Variants in SYNJ2 observed in about 807,000 individuals in gnomAD.
SYNJ2 encodes synaptojanin 2.
SYNJ2 carries 116 observed loss-of-function variants against 141.3 expected under a neutral mutation model. The observed-to-expected ratio is 0.82, with a 90% confidence interval of 0.71 to 0.96. SYNJ2 has a LOEUF of 0.96. SYNJ2 is among the 40% of genes least tolerant of loss of function. The pLI is 0.00. For synonymous variants in SYNJ2, 745 were observed against 777.7 expected (o/e 0.96, Z 0.70); for missense variants, 1,873 against 1,934.8 (o/e 0.97, Z 0.60).
intron 1 of SYNJ2, among the ~76,000 whole-genome samples, chr6:158,015,042 G>A (rs762752032): frequency 6.6e-6 from 1 of 152,182 alleles, no homozygotes; most frequent in Non-Finnish European, 1.5e-5. Flanking sequence ...TTTGAGTTGG[G>A]GTGTTGGGAT....
chr6:158,080,000 T>C (rs1436578728), intron 18 of SYNJ2, among the ~76,000 whole-genome samples: 1 of 152,238 alleles, frequency 6.6e-6, no homozygotes, highest in Non-Finnish European at 1.5e-5. Context: ...TGTGTAATTT[T>C]CGTAATATAG....
chr6:158,014,391 T>TA (rs529072489), intron 1 of SYNJ2, among the ~76,000 whole-genome samples: 27 of 152,254 alleles, frequency 1.8e-4, no homozygotes, highest in Non-Finnish European at 3.5e-4. Flanking sequence ...AAAACAAGGT[T>TA]AGTATTGATT....
chr6:158,000,240 TCTC>T (rs1232121716), intron 1 of SYNJ2, among the ~76,000 whole-genome samples: 2 of 152,014 alleles, frequency 1.3e-5, no homozygotes, highest in Non-Finnish European at 2.9e-5. Flanking sequence ...CATGATGTTT[TCTC>T]CTAGAGACAG....
rs1781063941 is a variant in SYNJ2, at chr6:158,059,342, A to G, written c.943A>G (p.Arg315Gly). 6.4e-7 allele frequency: 1 copy of G among 1,550,402 alleles called. No homozygotes were observed. Among genetic ancestry groups the G allele is most frequent in the Non-Finnish European group, 8.7e-7 (1 of 1,146,750 alleles). ...CAGAGGCGGAGAGGAGGTGCTCAAC[A>G]GAGCCTTCAAGGTAAGGCCAGGCTG... is the stretch of plus-strand genomic sequence containing the variant. ...GSRGGEEVLN[R>G]AFKKLLWASC... is the part of the protein sequence containing the mutation. The change falls in exon 7 of 27, where the codon AGA (arginine) becomes GGA (glycine). Residue 315 changes from arginine (R) to glycine (G), a missense_variant. Transcript: ENST00000355585.
chr6:158,019,545 G>T (rs931259330), intron 2 of SYNJ2, among the ~76,000 whole-genome samples: 1 of 152,208 alleles, frequency 6.6e-6, no homozygotes, highest in African/African-American at 2.4e-5. Flanking sequence ...ATGGGGCAGG[G>T]AGTGCTCAGA....
chr6:157,997,282 T>G (rs561344074), intron 1 of SYNJ2, among the ~76,000 whole-genome samples: 1 of 152,340 alleles, frequency 6.6e-6, no homozygotes, highest in Non-Finnish European at 1.5e-5. Context: ...CCTTGCAATC[T>G]TATTTGGAAA....
chr6:158,085,160 C>T (rs557692330), intron 22 of SYNJ2, among the ~76,000 whole-genome samples: 1 of 152,006 alleles, frequency 6.6e-6, no homozygotes, highest in Non-Finnish European at 1.5e-5. Flanking sequence ...GCTGGGACTA[C>T]AGGGTTGCAC....
chr6:158,073,118 A>G (rs896410478), intron 15 of SYNJ2, among the ~76,000 whole-genome samples: 4 of 151,732 alleles, frequency 2.6e-5, no homozygotes, highest in African/African-American at 7.3e-5. Context: ...CTTGGGATAC[A>G]TAATAAGTAA....
intron 22 of SYNJ2, among the ~76,000 whole-genome samples, chr6:158,086,217 G>A (rs902357639): frequency 1.3e-5 from 2 of 152,150 alleles, no homozygotes; most frequent in Non-Finnish European, 2.9e-5. Flanking sequence ...GAAATGGAGA[G>A]GCCCATGCTT....
chr6:158,017,347 C>T, intron 2 of SYNJ2, 57 bp downstream of exon 2: 2 of 1,555,236 alleles, frequency 1.3e-6, no homozygotes, highest in African/African-American at 1.4e-5. Context: ...GCAGGAGCCT[C>T]TGTGTCGGAA....
chr6:157,981,622 C>T (rs930117556), upstream of SYNJ2, among the ~76,000 whole-genome samples: 1 of 152,082 alleles, frequency 6.6e-6, no homozygotes, highest in African/African-American at 2.4e-5. This position sits in a 1 kb window ranked among gnomAD's most constrained non-coding sequence, Gnocchi z 6.4. Context: ...GGGCATCCTC[C>T]TCCGCAGCGA....
At position 158,084,189 on chromosome 6, in the gene SYNJ2, CT is replaced by C. The variant is rs1458541022; in HGVS notation, c.3208+19del. ...AACGTACAAAGGTAGCCTGACCCTT[CT>C]TTTCTCAGGAGCCTCAGCGATGGAG... is the stretch of plus-strand genomic sequence containing the variant. On this transcript the variant is annotated intron_variant, in intron 22 of 26. Transcript: ENST00000355585. The surrounding 1 kb of genome is among the most constrained non-coding windows in gnomAD (Gnocchi z 5.0). The C allele has an allele frequency of 5.0e-6, 8 of 1,608,944 alleles. No homozygotes were observed. The highest frequency in any genetic ancestry group is 5.1e-6 in the Non-Finnish European group (6 of 1,176,974).
rs1782141295 is a variant in SYNJ2 at position 158,074,506 on chromosome 6, G to A, written c.2134-74G>A. 3 of 1,507,514 alleles carry A rather than the reference G, an allele frequency of 2.0e-6. No homozygotes were observed. In the Admixed American group the frequency reaches 6.3e-5, roughly 32 times the overall value. 93.4% of individuals were successfully genotyped at this position (1,507,514 alleles called of 1,614,324 possible). On this transcript the variant is annotated intron_variant, in intron 15 of 26. Transcript: ENST00000355585. ...GAAAAATACTCCTGCTTGCCCCAGTGAGCTTGTTTTTCTCCTCTCTCCCAC... is the reference window on the plus strand; with the variant it reads ...GAAAAATACTCCTGCTTGCCCCAGTAAGCTTGTTTTTCTCCTCTCTCCCAC...
chr6:158,027,047 C>T lies in SYNJ2; in HGVS notation c.215-1709C>T. 1.0e-6 allele frequency: 1 copy of T among 985,368 alleles called. No homozygotes were observed. Among genetic ancestry groups the T allele is most frequent in the Non-Finnish European group, 1.2e-6 (1 of 829,934 alleles). 61.0% of individuals were successfully genotyped at this position (985,368 alleles called of 1,614,324 possible). On this transcript the variant is annotated intron_variant, in intron 2 of 26. Coordinates refer to ENST00000355585, the MANE Select transcript of SYNJ2 (RefSeq NM_003898.4). The surrounding 1 kb of genome is among the most constrained non-coding windows in gnomAD (Gnocchi z 4.6). Reference sequence around the variant, plus strand: ...TCAACCCCCTGCCCTGCTGGCAGCCCCACCCCATGGCATAGCAGCAGGCCC... The same window carrying T: ...TCAACCCCCTGCCCTGCTGGCAGCCTCACCCCATGGCATAGCAGCAGGCCC...
intron 8 of SYNJ2, among the ~76,000 whole-genome samples, chr6:158,062,520 G>C (rs1021585545): frequency 6.6e-6 from 1 of 152,190 alleles, no homozygotes; most frequent in East Asian, 1.9e-4. Flanking sequence ...ACGCTGTGAC[G>C]CAGGCCTGTG....
At chr6:158,075,595 C>G (rs1050965218) in intron 16 of SYNJ2, among the ~76,000 whole-genome samples, 1 of 151,382 alleles carries the variant, frequency 6.6e-6, no homozygotes, top group Non-Finnish European at 1.5e-5. Context: ...GAGCCGAGAT[C>G]GCACCACTGC....
intron 4 of SYNJ2, among the ~76,000 whole-genome samples, chr6:158,038,250 CCTCTGGG>C (rs962794124): frequency 6.6e-6 from 1 of 152,134 alleles, no homozygotes; most frequent in Non-Finnish European, 1.5e-5. Context: ...CCTTTTTCGT[CCTCTGGG>C]CTCTGGGCTA....
At chr6:158,094,874 G>A (rs1461313522) in intron 26 of SYNJ2, among the ~76,000 whole-genome samples, 3 of 152,208 alleles carry the variant, frequency 2.0e-5, no homozygotes, top group Non-Finnish European at 2.9e-5. Flanking sequence ...GGAGCTGGGC[G>A]CGGTGGCTCA....
At chr6:158,024,745 G>A (rs574111300) in intron 2 of SYNJ2, among the ~76,000 whole-genome samples, 1 of 152,258 alleles carries the variant, frequency 6.6e-6, no homozygotes, top group South Asian at 2.1e-4. Context: ...TGCTACATTA[G>A]GATGGAATTC....
Sources: allele counts gnomAD v4.1 joint callset (sites outside exome capture counted in the v4.1 genomes callset), GRCh38; gene constraint gnomAD v4.1.1; non-coding constraint Gnocchi (gnomAD v3.1); transcripts MANE v1.5; gene names NCBI Gene and HGNC (gene_info 2026-07-23, HGNC 2026-07-21).